The following NRG1 variants were observed in gnomAD, a reference collection of about 807,000 sequenced individuals.
The protein encoded by NRG1 is pro-neuregulin-1, membrane-bound isoform.
A neutral mutation model predicts 63.8 loss-of-function variants in NRG1; 18 were observed. The ratio of observed to expected loss-of-function variants is 0.28; its 90% CI spans 0.19 to 0.42. The LOEUF (loss-of-function observed/expected upper bound fraction) is 0.42, where lower values mean the gene tolerates loss of function less well. NRG1 is among the 10% of genes least tolerant of loss of function. The pLI is 1.00. For synonymous variants in NRG1, 302 were observed against 301.3 expected, an observed-to-expected ratio of 1.00 and a Z score of -0.02; for missense variants, 762 against 814.7, an observed-to-expected ratio of 0.94 and a Z score of 0.79.
At chr8:32,397,935 C>G (rs564860704) in intron 1 of NRG1, among the ~76,000 whole-genome samples, 24 of 152,234 alleles carry the variant, frequency 1.6e-4, no homozygotes, top group African/African-American at 5.8e-4. Flanking sequence ...AGACATGTAC[C>G]TTCCAAACTG....
chr8:31,681,800 T>A (rs929350480), intron 1 of NRG1, among the ~76,000 whole-genome samples: 2 of 151,736 alleles, frequency 1.3e-5, no homozygotes, highest in East Asian at 3.9e-4. Context: ...TTTAGTAGAC[T>A]ACTTTTAGAG....
At chr8:31,986,304 G>C (rs1182915216) in intron 1 of NRG1, among the ~76,000 whole-genome samples, 5 of 152,018 alleles carry the variant, frequency 3.3e-5, no homozygotes, top group Admixed American at 6.6e-5. Context: ...AGGGGAAGAG[G>C]AAGTGGAAGA....
chr8:32,545,029 G>C (rs554051488), upstream of NRG1, among the ~76,000 whole-genome samples: 2 of 152,116 alleles, frequency 1.3e-5, no homozygotes, highest in Non-Finnish European at 2.9e-5. Flanking sequence ...GTGACTATTT[G>C]CAGAATTCTA....
intron 5 of NRG1, among the ~76,000 whole-genome samples, chr8:32,709,314 A>G (rs1173874073): frequency 1.3e-5 from 2 of 152,188 alleles, no homozygotes; most frequent in African/African-American, 4.8e-5. Flanking sequence ...ACCGAAGTAA[A>G]TAGAAAATTC....
In NRG1 at chr8:32,396,108, C is replaced by T. The variant is rs372440499; in HGVS notation, c.38-199720C>T. ...TATACTTATCCTTAAACCAGTAACACGCTGTCATCATGACTTTAGCTTTAT... is the reference window on the plus strand; with the variant it reads ...TATACTTATCCTTAAACCAGTAACATGCTGTCATCATGACTTTAGCTTTAT... On this transcript the variant is annotated intron_variant, in intron 1 of 10. Coordinates refer to the NRG1 transcript ENST00000519301. Among the ~76,000 whole-genome samples the T allele has an allele frequency of 1.7e-4, 26 of 152,260 alleles. No individual in the cohort carries two copies. The East Asian group carries it at 2.1e-3, about 12-fold the overall frequency.
intron 1 of NRG1, among the ~76,000 whole-genome samples, chr8:32,511,185 C>G (rs1829150973): frequency 6.6e-6 from 1 of 150,696 alleles, no homozygotes; most frequent in South Asian, 2.1e-4. Context: ...ATTCATGGAG[C>G]AACCAGACAT....
chr8:31,882,221 G>A (rs531969129), intron 1 of NRG1, among the ~76,000 whole-genome samples: 1 of 149,182 alleles, frequency 6.7e-6, no homozygotes, highest in South Asian at 2.1e-4. Flanking sequence ...AATCTATCCT[G>A]CCTGTGCTTT....
chr8:32,759,291 T>G lies in NRG1; in HGVS notation c.922-15T>G. ...TCTACGTGAATCTTCAAGTTGTGTC[T>G]CTTTGTTTATCCAGCAATACGTATC... is the stretch of plus-strand genomic sequence containing the variant. On this transcript the variant is annotated splice_polypyrimidine_tract_variant and intron_variant, in intron 9 of 11. Transcript: ENST00000356819. 1 of 1,611,414 alleles carries G rather than the reference T, an allele frequency of 6.2e-7. No homozygotes were observed. Among genetic ancestry groups the G allele is most frequent in the Non-Finnish European group, 8.5e-7 (1 of 1,178,644 alleles).
intron 1 of NRG1, among the ~76,000 whole-genome samples, chr8:32,500,277 A>G (rs1451702341): frequency 6.6e-6 from 1 of 152,212 alleles, no homozygotes; most frequent in Non-Finnish European, 1.5e-5. Flanking sequence ...GCCAAGAACT[A>G]GCCATTAGAC....
chr8:32,521,897 G>C (rs1014788687), intron 1 of NRG1, among the ~76,000 whole-genome samples: 4 of 152,050 alleles, frequency 2.6e-5, no homozygotes, highest in African/African-American at 9.7e-5. Flanking sequence ...GCTTTTTTTA[G>C]TTGATTTCCT....
rs772910330 is a variant in NRG1, at chr8:32,760,233, C to T, written c.1086C>T (p.Ser362=). 4.5e-5 allele frequency: 72 copies of T among 1,613,990 alleles called. No individual in the cohort carries two copies. The Admixed American group carries it at 9.0e-4, about 20-fold the overall frequency. Residue 362 remains serine, a synonymous_variant, in exon 11 of 12, where the codon TCC becomes TCT. Coordinates refer to ENST00000356819, the Ensembl canonical transcript of NRG1. ...ACGGACACACTGAAAGCATCCTTTC[C>T]GAAAGCCACTCTGTAATCGTGATGT...
At chr8:31,923,315 G>C (rs983629282) in intron 1 of NRG1, among the ~76,000 whole-genome samples, 11 of 151,782 alleles carry the variant, frequency 7.2e-5, no homozygotes, top group Non-Finnish European at 2.9e-5. Flanking sequence ...TCAAATATTA[G>C]ACCAATATTA....
intron 5 of NRG1, among the ~76,000 whole-genome samples, chr8:32,680,867 A>G (rs540900873): frequency 2.4e-4 from 36 of 152,216 alleles, no homozygotes; most frequent in Middle Eastern, 3.4e-3. Context: ...GAATGAATGA[A>G]TGACCTAGGT....
intron 1 of NRG1, among the ~76,000 whole-genome samples, chr8:32,592,354 C>T (rs1842679016): frequency 1.3e-5 from 2 of 152,018 alleles, no homozygotes; most frequent in South Asian, 2.1e-4. Context: ...CTATACAGCT[C>T]TTTTTCCCTT....
At chr8:32,355,284 C>G (rs1312928569) in intron 1 of NRG1, among the ~76,000 whole-genome samples, 2 of 151,974 alleles carry the variant, frequency 1.3e-5, no homozygotes, top group Non-Finnish European at 2.9e-5. Context: ...CGTGATGAAA[C>G]CCCATCTCTA....
intron 1 of NRG1, among the ~76,000 whole-genome samples, chr8:32,431,493 C>T (rs544458413): frequency 4.6e-5 from 7 of 152,170 alleles, no homozygotes; most frequent in South Asian, 2.1e-4. Context: ...CTCTGCCTTG[C>T]GGGTAACTTC....
At chr8:32,305,278 A>AGAT (rs1378428034) in intron 1 of NRG1, among the ~76,000 whole-genome samples, 1 of 152,208 alleles carries the variant, frequency 6.6e-6, no homozygotes, top group Non-Finnish European at 1.5e-5. Flanking sequence ...TTTAATGTTC[A>AGAT]GATTGATTTT....
chr8:32,676,150 T>C (rs2128905923), intron 5 of NRG1, among the ~76,000 whole-genome samples: 1 of 152,338 alleles, frequency 6.6e-6, no homozygotes, highest in South Asian at 2.1e-4. Context: ...TGCCTCATTT[T>C]GATGTTTTAG....
intron 1 of NRG1, among the ~76,000 whole-genome samples, chr8:31,882,195 C>A (rs1328205778): frequency 1.3e-5 from 2 of 151,758 alleles, no homozygotes; most frequent in African/African-American, 4.8e-5. Flanking sequence ...TCTTAGGGCC[C>A]TTAAGAATTA....
Sources: gnomAD v4.1 joint callset for allele counts (sites outside exome capture counted in the v4.1 genomes callset) on GRCh38, gnomAD v4.1.1 for gene constraint, MANE v1.5 for transcripts, NCBI Gene and HGNC (gene_info 2026-07-23, HGNC 2026-07-21) for gene names.